Variants in DIAPH2 observed in about 807,000 individuals in gnomAD.
DIAPH2 encodes the protein protein diaphanous homolog 2.
In DIAPH2, 35 loss-of-function variants were observed where a neutral mutation model predicts 92.7. That is an observed-to-expected ratio of 0.38 (90% CI 0.29 to 0.50). The LOEUF (loss-of-function observed/expected upper bound fraction) is 0.50. DIAPH2 is among the 20% of genes least tolerant of loss of function. The probability of loss-of-function intolerance (pLI) is 0.94; values close to 1 mark genes in which losing one functional copy is unlikely to be tolerated. For synonymous variants in DIAPH2, 301 were observed against 280.4 expected, an observed-to-expected ratio of 1.07 and a Z score of -0.73; for missense variants, 701 against 819.5, an observed-to-expected ratio of 0.86 and a Z score of 1.77.
intron 26 of DIAPH2, among the ~76,000 whole-genome samples, chrX:97,527,805 G>C (rs1353813895): frequency 8.9e-6 from 1 of 111,792 alleles, no homozygotes; most frequent in East Asian, 2.8e-4. Flanking sequence ...TCAAAATAGG[G>C]CTCATGAGCA....
intron 22 of DIAPH2, among the ~76,000 whole-genome samples, chrX:97,194,375 G>A (rs1288932328): frequency 3.7e-5 from 4 of 107,419 alleles, no homozygotes; most frequent in South Asian, 4.2e-4. Context: ...TCCGCCTCCC[G>A]GGTTCAAGCC....
chrX:97,308,735 C>G (rs944986590), intron 23 of DIAPH2, among the ~76,000 whole-genome samples: 62 of 105,661 alleles, frequency 5.9e-4, no homozygotes, highest in South Asian at 4.6e-4. Context: ...ATTCTCCTGC[C>G]TCAGCCTCCC....
chrX:96,961,219 T>A (rs1029348196), intron 16 of DIAPH2, among the ~76,000 whole-genome samples: 1 of 110,795 alleles, frequency 9.0e-6, no homozygotes, highest in Non-Finnish European at 1.9e-5. Flanking sequence ...GTCCTGGGGC[T>A]TTTCTTTACT....
chrX:96,892,541 A>G (rs1219359979), intron 5 of DIAPH2, among the ~76,000 whole-genome samples: 1 of 111,937 alleles, frequency 8.9e-6, no homozygotes, highest in Non-Finnish European at 1.9e-5. Flanking sequence ...TTGATACCAT[A>G]TATATTAAGT....
At chrX:96,881,528 TA>T in intron 4 of DIAPH2, 50 bp from the exon 5 acceptor site, 1 of 1,101,254 alleles carries the variant, frequency 9.1e-7, no homozygotes, top group Non-Finnish European at 1.2e-6. Flanking sequence ...TTATTTTACT[TA>T]AATTTTTTTT....
chrX:97,135,549 G>C (rs1164672688), intron 21 of DIAPH2, among the ~76,000 whole-genome samples: 1 of 110,590 alleles, frequency 9.0e-6, no homozygotes, highest in Non-Finnish European at 1.9e-5. Flanking sequence ...GTTGAGAAAG[G>C]CTTATTACTA....
chrX:96,837,024 G>T (rs1441279283), intron 4 of DIAPH2, among the ~76,000 whole-genome samples: 1 of 109,314 alleles, frequency 9.1e-6, no homozygotes, highest in Non-Finnish European at 1.9e-5. Context: ...ACCGCGCCCG[G>T]CAGGTATATA....
chrX:97,525,221 A>G (rs943567679), intron 26 of DIAPH2, among the ~76,000 whole-genome samples: 4 of 111,941 alleles, frequency 3.6e-5, no homozygotes, highest in Admixed American at 1.9e-4. Context: ...ATGTTTTACC[A>G]ACTGTTGCTG....
In DIAPH2 at chrX:97,089,829, G is replaced by A. The variant is rs779190398; in HGVS notation, c.2248-9865G>A. On this transcript the variant is annotated intron_variant, in intron 19 of 26. Transcript: ENST00000324765. Reference sequence around the variant, plus strand: ...TGCAAGCTCTGCCTCCTGGGTTCACGCCATTCTCCTGCCTCAGCCTCCCGA... The same window carrying A: ...TGCAAGCTCTGCCTCCTGGGTTCACACCATTCTCCTGCCTCAGCCTCCCGA... Among the ~76,000 whole-genome samples, 17 of 110,685 alleles carry A rather than the reference G, an allele frequency of 1.5e-4. No homozygotes were observed. The East Asian group carries it at 2.6e-3, about 17-fold the overall frequency.
chrX:97,177,709 TAAA>T (rs11314858), intron 22 of DIAPH2, among the ~76,000 whole-genome samples: 2 of 86,624 alleles, frequency 2.3e-5, no homozygotes, highest in East Asian at 3.7e-4. Context: ...AAAGCCTACT[TAAA>T]AAAAAAAAAA....
chrX:96,757,739 A>G (rs190280447), intron 3 of DIAPH2, among the ~76,000 whole-genome samples: 59 of 111,619 alleles, frequency 5.3e-4, no homozygotes, highest in African/African-American at 1.8e-3. Context: ...ACAATTTGCA[A>G]ATTGTATTTG....
intron 23 of DIAPH2, among the ~76,000 whole-genome samples, chrX:97,327,395 G>A (rs933703194): frequency 2.8e-5 from 3 of 108,976 alleles, no homozygotes; most frequent in Admixed American, 9.8e-5. Context: ...TACCGCGCCC[G>A]GCCTAGGAAA....
intron 26 of DIAPH2, among the ~76,000 whole-genome samples, chrX:97,594,178 G>T (rs1261079832): frequency 8.5e-5 from 3 of 35,160 alleles, no homozygotes; most frequent in Non-Finnish European, 2.1e-4. Context: ...TGTAGTTTGA[G>T]CTCAGTATAT....
chrX:97,192,293 C>CAAAAA (rs773665704), intron 22 of DIAPH2, among the ~76,000 whole-genome samples: 166 of 29,512 alleles, frequency 5.6e-3, no homozygotes, highest in Middle Eastern at 0.014. Flanking sequence ...GACTCCGTCT[C>CAAAAA]AAAAAAAAAA....
chrX:96,717,736 C>T (rs1468365304), intron 1 of DIAPH2, among the ~76,000 whole-genome samples: 1 of 97,088 alleles, frequency 1.0e-5, no homozygotes, highest in Non-Finnish European at 2.1e-5. Context: ...GTGTACTTTT[C>T]TTCATATTTC....
chrX:97,107,167 C>T (rs972365900), intron 20 of DIAPH2, among the ~76,000 whole-genome samples: 2 of 111,027 alleles, frequency 1.8e-5, no homozygotes, highest in Non-Finnish European at 3.8e-5. Context: ...CATTATTTTT[C>T]TTTTTTCTTT....
At chrX:97,517,464 G>C (rs1269923323) in intron 26 of DIAPH2, among the ~76,000 whole-genome samples, 4 of 111,947 alleles carry the variant, frequency 3.6e-5, no homozygotes, top group Non-Finnish European at 7.5e-5. Context: ...GTAAGGCTGA[G>C]AATCATTGAC....
Position 97,602,931 on chromosome X carries a change from G to A in DIAPH2, c.*3614G>A, listed in dbSNP as rs1160707539. On this transcript the variant is annotated 3_prime_UTR_variant, in exon 27 of 27. Transcript: ENST00000324765. ...CTCAAAAATCTTGTGGGTCTTCTACGTATGTCACATTGATTCACACATTCA... is the reference window on the plus strand; with the variant it reads ...CTCAAAAATCTTGTGGGTCTTCTACATATGTCACATTGATTCACACATTCA... 1.8e-5 allele frequency: 2 copies of A among 110,641 alleles called. No homozygotes were observed. The highest frequency in any genetic ancestry group is 5.6e-4 in the East Asian group (2 of 3,556). 9.1% of individuals were successfully genotyped at this position (110,641 alleles called of 1,213,427 possible).
intron 4 of DIAPH2, among the ~76,000 whole-genome samples, chrX:96,795,314 A>G (rs1362737657): frequency 2.7e-5 from 3 of 111,037 alleles, no homozygotes; most frequent in Non-Finnish European, 5.7e-5. Flanking sequence ...GCTTTATTTC[A>G]TTACTTATAT....
Sources: allele counts gnomAD v4.1 joint callset (sites outside exome capture counted in the v4.1 genomes callset), GRCh38; gene constraint gnomAD v4.1.1; transcripts MANE v1.5; gene names NCBI Gene and HGNC (gene_info 2026-07-23, HGNC 2026-07-21).